The following TYR variants were observed in gnomAD, a reference collection of about 807,000 sequenced individuals.
The protein encoded by TYR is tyrosinase, also known as LB24-AB.
Under a neutral mutation model 51.5 loss-of-function variants are expected in TYR, and 58 were observed. The observed-to-expected ratio is 1.13, with a 90% CI of 0.91 to 1.40. The LOEUF (loss-of-function observed/expected upper bound fraction) is 1.40. TYR is among the 40% of genes most tolerant of loss of function. The pLI is 0.00. For synonymous variants in TYR, 263 were observed against 235.2 expected (o/e 1.12, Z -1.08); for missense variants, 732 against 647.4 (o/e 1.13, Z -1.42).
intron 4 of TYR, among the ~76,000 whole-genome samples, chr11:89,292,019 CT>C (rs1944857596): frequency 6.6e-6 from 1 of 151,950 alleles, no homozygotes. Context: ...TCCTGCATTA[CT>C]TTTCTATTGG....
chr11:89,258,325 A>G (rs895177543), intron 3 of TYR, among the ~76,000 whole-genome samples: 4 of 151,970 alleles, frequency 2.6e-5, no homozygotes, highest in Non-Finnish European at 4.4e-5. Flanking sequence ...AGGCAAGAAC[A>G]AAAAAGAAAA....
chr11:89,230,412 GAA>G (rs1329824937), intron 3 of TYR, among the ~76,000 whole-genome samples: 1 of 152,052 alleles, frequency 6.6e-6, no homozygotes, highest in African/African-American at 2.4e-5. Context: ...ATAGGGATTA[GAA>G]ATTGTGAAAC....
chr11:89,194,650 TTCTA>T (rs34029150), intron 2 of TYR, among the ~76,000 whole-genome samples: 15,975 of 150,530 alleles, frequency 0.11, 869 homozygotes, highest in East Asian at 0.14. Flanking sequence ...CCTCCATTTT[TTCTA>T]TCTATCTATC....
chr11:89,233,172 A>C (rs1363671521), intron 3 of TYR, among the ~76,000 whole-genome samples: 1 of 143,440 alleles, frequency 7.0e-6, no homozygotes. Flanking sequence ...AAACATTCAC[A>C]GTATCTTCAC....
intron 1 of TYR, among the ~76,000 whole-genome samples, chr11:89,187,827 T>C (rs574955078): frequency 1.3e-5 from 2 of 152,084 alleles, no homozygotes; most frequent in South Asian, 4.1e-4. Context: ...CAATAATACA[T>C]AGTGAATAGG....
chr11:89,207,866 C>T (rs779059975), intron 2 of TYR, among the ~76,000 whole-genome samples: 2 of 152,140 alleles, frequency 1.3e-5, no homozygotes, highest in Non-Finnish European at 2.9e-5. Flanking sequence ...TACTATATTA[C>T]ATAATATTTT....
Position 89,272,034 on chromosome 11 carries a change from C to T in TYR, c.1185-12739C>T, listed in dbSNP as rs1045204629. On this transcript the variant is annotated intron_variant, in intron 3 of 4. Transcript: ENST00000263321. The stretch of plus-strand genomic sequence containing the variant: ...AACTTTCTCCACTGAAGTCTTGAAC[C>T]CCCTCAAAGTCATCCATGTGGTTTG... 5.3e-5 allele frequency among the ~76,000 whole-genome samples: 8 copies of T among 151,808 alleles called. No homozygotes were observed. In the East Asian group the frequency reaches 1.2e-3, roughly 22 times the overall value.
At chr11:89,179,341 T>C (rs2135243196) in intron 1 of TYR, among the ~76,000 whole-genome samples, 1 of 152,312 alleles carries the variant, frequency 6.6e-6, no homozygotes, top group Admixed American at 6.5e-5. Flanking sequence ...ATTATTGGAT[T>C]AGATCTTCAT....
chr11:89,239,127 A>G (rs1359047132), intron 3 of TYR, among the ~76,000 whole-genome samples: 1 of 152,112 alleles, frequency 6.6e-6, no homozygotes, highest in Non-Finnish European at 1.5e-5. Flanking sequence ...TCGCCACTTA[A>G]ATATTTTGGA....
chr11:89,280,250 C>A (rs1374043786), intron 3 of TYR, among the ~76,000 whole-genome samples: 3 of 151,696 alleles, frequency 2.0e-5, no homozygotes, highest in Admixed American at 1.3e-4. Flanking sequence ...GAGAATATTT[C>A]TTCTGTTCTG....
intron 3 of TYR, among the ~76,000 whole-genome samples, chr11:89,250,599 G>A (rs558756289): frequency 2.0e-5 from 3 of 151,916 alleles, no homozygotes; most frequent in East Asian, 3.9e-4. Context: ...CAAGATCAAG[G>A]TGTCTGCAGG....
chr11:89,212,910 C>T (rs144092995), intron 2 of TYR, among the ~76,000 whole-genome samples: 5,169 of 152,252 alleles, frequency 0.034, 140 homozygotes, highest in African/African-American at 0.073. Context: ...TAAAAACTCT[C>T]AGTAAACTAG....
chr11:89,271,298 T>C (rs951589499), intron 3 of TYR, among the ~76,000 whole-genome samples: 1 of 151,854 alleles, frequency 6.6e-6, no homozygotes, highest in Admixed American at 6.6e-5. Context: ...CTCTAAGATA[T>C]GGAAGGTTTG....
chr11:89,262,714 T>G (rs1944472362), intron 3 of TYR, among the ~76,000 whole-genome samples: 1 of 145,598 alleles, frequency 6.9e-6, no homozygotes, highest in African/African-American at 2.6e-5. Flanking sequence ...TATAAACAAT[T>G]GTATGGCAGC....
intron 2 of TYR, among the ~76,000 whole-genome samples, chr11:89,196,812 G>T (rs567999937): frequency 6.6e-6 from 1 of 152,152 alleles, no homozygotes; most frequent in African/African-American, 2.4e-5. Flanking sequence ...ACCCCACAAG[G>T]GAAAACATGA....
At chr11:89,188,439 G>A (rs1943403782) in intron 1 of TYR, among the ~76,000 whole-genome samples, 1 of 152,038 alleles carries the variant, frequency 6.6e-6, no homozygotes, top group Non-Finnish European at 1.5e-5. Context: ...GGTGCTAAGT[G>A]CACAGATAAA....
intron 2 of TYR, among the ~76,000 whole-genome samples, chr11:89,213,517 A>G (rs761958512): frequency 2.6e-5 from 4 of 152,134 alleles, no homozygotes; most frequent in Non-Finnish European, 4.4e-5. Context: ...ACTGCCCAAA[A>G]TAATTTACAG....
intron 3 of TYR, among the ~76,000 whole-genome samples, chr11:89,245,899 C>A (rs1163159775): frequency 2.7e-5 from 4 of 149,094 alleles, no homozygotes; most frequent in Non-Finnish European, 4.4e-5. Flanking sequence ...CCAGCCCGGG[C>A]GACAGAGCAA....
intron 2 of TYR, among the ~76,000 whole-genome samples, chr11:89,213,057 C>G (rs991784661): frequency 3.3e-5 from 5 of 152,142 alleles, no homozygotes; most frequent in African/African-American, 1.2e-4. Flanking sequence ...TCTCACCACT[C>G]CTATTCACAT....
Sources: allele counts gnomAD v4.1 joint callset (sites outside exome capture counted in the v4.1 genomes callset), GRCh38; gene constraint gnomAD v4.1.1; transcripts MANE v1.5; gene names NCBI Gene and HGNC (gene_info 2026-07-23, HGNC 2026-07-21).